CCR6: variants seen among roughly 807,000 people sequenced by gnomAD.
CCR6 encodes C-C chemokine receptor type 6.
A neutral mutation model predicts 3.0 loss-of-function variants in CCR6; 2 were observed. That is an observed-to-expected ratio of 0.66 (90% CI 0.27 to 2.07). The LOEUF is 2.07. Among genes scored for constraint, CCR6 ranks in the 30% most tolerant of loss-of-function variants. CCR6 has a pLI of 0.14. For missense variants in CCR6, 322 were observed against 462.8 expected (o/e 0.70, Z 2.79); for synonymous variants, 193 against 184.3 (o/e 1.05, Z -0.38).
At chr6:167,132,938 TG>T (rs1168401827) in intron 1 of CCR6, among the ~76,000 whole-genome samples, 3 of 152,236 alleles carry the variant, frequency 2.0e-5, no homozygotes, top group African/African-American at 4.8e-5. Context: ...CTTGGTGAAT[TG>T]CCTGTTCACA....
chr6:167,129,866 A>G (rs993562360), intron 1 of CCR6, among the ~76,000 whole-genome samples: 2 of 151,624 alleles, frequency 1.3e-5, no homozygotes, highest in African/African-American at 4.9e-5. Flanking sequence ...TCGACACTTT[A>G]CTTGAGGCAG....
intron 1 of CCR6, among the ~76,000 whole-genome samples, chr6:167,117,439 CG>C (rs1781515027): frequency 1.0e-5 from 1 of 99,552 alleles, no homozygotes; most frequent in East Asian, 3.1e-4. Flanking sequence ...TTTTTTGAGA[CG>C]GAGTTTCGCT....
At chr6:167,123,039 T>A (rs1377114066), upstream of CCR6, 1 of 152,804 alleles carries the variant, frequency 6.5e-6, no homozygotes, top group African/African-American at 2.4e-5. Flanking sequence ...TAGGCGTTAC[T>A]TTTCAATAGG....
At chr6:167,131,826 A>C (rs980272387) in intron 1 of CCR6, among the ~76,000 whole-genome samples, 34 of 152,138 alleles carry the variant, frequency 2.2e-4, no homozygotes, top group African/African-American at 8.2e-4. Flanking sequence ...GGTACTTTTA[A>C]ATTAACTTTA....
chr6:167,118,359 A>G (rs537778050), upstream of CCR6, among the ~76,000 whole-genome samples: 1 of 152,324 alleles, frequency 6.6e-6, no homozygotes, highest in African/African-American at 2.4e-5. Context: ...GTGACTTTCG[A>G]TTCTTGACAT....
chr6:167,114,487 G>A (rs565828765), intron 1 of CCR6, among the ~76,000 whole-genome samples: 48 of 152,240 alleles, frequency 3.2e-4, no homozygotes, highest in African/African-American at 7.2e-4. Context: ...CAGTGCACTT[G>A]GAAACCCTTC....
intron 1 of CCR6, among the ~76,000 whole-genome samples, chr6:167,114,375 A>G (rs1275232560): frequency 6.6e-6 from 1 of 152,204 alleles, no homozygotes; most frequent in African/African-American, 2.4e-5. Context: ...GAGCAGTGGT[A>G]GACCTCGAGA....
intron 1 of CCR6, among the ~76,000 whole-genome samples, chr6:167,135,545 T>C (rs1375362250): frequency 1.3e-5 from 2 of 152,244 alleles, no homozygotes; most frequent in Non-Finnish European, 2.9e-5. Context: ...CTGACATATA[T>C]TGTGAACGAT....
chr6:167,130,498 G>A (rs929941476), intron 1 of CCR6, among the ~76,000 whole-genome samples: 7 of 151,792 alleles, frequency 4.6e-5, no homozygotes, highest in South Asian at 2.1e-4. Flanking sequence ...TTCTTTACAC[G>A]TTGAGGTGAT....
At chr6:167,126,832 A>G (rs997973446) in intron 1 of CCR6, among the ~76,000 whole-genome samples, 13 of 152,124 alleles carry the variant, frequency 8.5e-5, no homozygotes, top group Non-Finnish European at 1.9e-4. Context: ...ACGGGATCTG[A>G]TGGTTTTACA....
At chr6:167,119,590 T>C (rs865779477), upstream of CCR6, among the ~76,000 whole-genome samples, 3 of 152,150 alleles carry the variant, frequency 2.0e-5, no homozygotes, top group Non-Finnish European at 4.4e-5. Flanking sequence ...ACAGAGTGAC[T>C]CCCCATGCCC....
At chr6:167,118,873 C>T (rs1389695048), upstream of CCR6, among the ~76,000 whole-genome samples, 1 of 152,200 alleles carries the variant, frequency 6.6e-6, no homozygotes, top group Non-Finnish European at 1.5e-5. Context: ...GCCCCACATG[C>T]TGGACGCCCT....
Position 167,137,538 on chromosome 6 carries a change from T to C in CCR6, c.*183T>C, listed in dbSNP as rs1371248928. ...CTCTTCAGGGTGGGGTGGTCTCTGA[T>C]AGGTAGCATTTTCCAGCACTTTGCA... is the stretch of plus-strand genomic sequence containing the variant. On this transcript the variant is annotated 3_prime_UTR_variant, in exon 3 of 3. Coordinates refer to ENST00000341935, the MANE Select transcript of CCR6 (RefSeq NM_031409.4). This position sits in a 1 kb window ranked among gnomAD's most constrained non-coding sequence, Gnocchi z 4.6. 4 of 584,250 alleles carry C rather than the reference T, an allele frequency of 6.8e-6. No individual in the cohort carries two copies. The East Asian group carries it at 1.1e-4, about 17-fold the overall frequency. 36.2% of individuals were successfully genotyped at this position (584,250 alleles called of 1,614,324 possible).
At chr6:167,135,962 G>T in intron 1 of CCR6, 76 bp from the exon 2 acceptor site, 1 of 682,814 alleles carries the variant, frequency 1.5e-6, no homozygotes. Context: ...GAGATGGAAT[G>T]CTGGTAACTT....
In CCR6 at chr6:167,131,903, G is replaced by C. The variant is rs41429845; in HGVS notation, c.-97-4135G>C. 1.9e-3 allele frequency among the ~76,000 whole-genome samples: 284 copies of C among 152,182 alleles called. 4 individuals carry two copies. The highest frequency in any genetic ancestry group is 6.6e-3 in the African/African-American group (274 of 41,508). ...GTACAATTCAACAGGTCTTGACAAGGGCACCCAGCCATGTGCCACCCCCAC... is the reference window on the plus strand; with the variant it reads ...GTACAATTCAACAGGTCTTGACAAGCGCACCCAGCCATGTGCCACCCCCAC... On this transcript the variant is annotated intron_variant, in intron 1 of 2. Coordinates refer to ENST00000341935, the MANE Select transcript of CCR6 (RefSeq NM_031409.4).
intron 1 of CCR6, among the ~76,000 whole-genome samples, chr6:167,125,370 G>A (rs1319956460): frequency 1.3e-5 from 2 of 152,228 alleles, no homozygotes; most frequent in Admixed American, 6.5e-5. Flanking sequence ...GATGATCAAT[G>A]GCAGTCGGTC....
At chr6:167,130,972 GAC>G (rs1491262623) in intron 1 of CCR6, among the ~76,000 whole-genome samples, 2 of 120,754 alleles carry the variant, frequency 1.7e-5, no homozygotes, top group Non-Finnish European at 3.3e-5. Flanking sequence ...CTCCCTCTGG[GAC>G]CACCCTCCCT....
intron 1 of CCR6, among the ~76,000 whole-genome samples, chr6:167,124,593 G>C (rs1281624104): frequency 6.6e-6 from 1 of 152,148 alleles, no homozygotes; most frequent in African/African-American, 2.4e-5. Flanking sequence ...ACCTGCTGGT[G>C]GCAAGGTGAA....
At chr6:167,121,772 TAGTC>T (rs1380761283), upstream of CCR6, among the ~76,000 whole-genome samples, 2 of 152,146 alleles carry the variant, frequency 1.3e-5, no homozygotes, top group African/African-American at 4.8e-5. Context: ...AGCCAGGACT[TAGTC>T]AGGAGAGGCT....
Sources: allele counts gnomAD v4.1 joint callset (sites outside exome capture counted in the v4.1 genomes callset), GRCh38; gene constraint gnomAD v4.1.1; non-coding constraint Gnocchi (gnomAD v3.1); transcripts MANE v1.5; gene names NCBI Gene and HGNC (gene_info 2026-07-23, HGNC 2026-07-21).